Variants in OR6B1 observed in about 807,000 individuals in gnomAD.
OR6B1 encodes the protein olfactory receptor family 6 subfamily B member 1.
In OR6B1, 15 loss-of-function variants were observed where a neutral mutation model predicts 15.4. That is an observed-to-expected ratio of 0.97 (90% CI 0.65 to 1.50). The LOEUF is 1.50. OR6B1 is among the 40% of genes most tolerant of loss of function. The pLI is 0.00. For missense variants in OR6B1, 384 were observed against 385.0 expected, an observed-to-expected ratio of 1.00 and a Z score of 0.02; for synonymous variants, 139 against 144.9, an observed-to-expected ratio of 0.96 and a Z score of 0.29.
chr7:144,003,809 A>ACACG (rs930702099), intron 1 of OR6B1, 163 bp from the exon 2 acceptor site: 1 of 592,890 alleles, frequency 1.7e-6, no homozygotes, highest in African/African-American at 1.9e-5. Context: ...ACACACACAC[A>ACACG]CGGCTATGTG....
Position 144,004,778 on chromosome 7 carries a change from G to A in OR6B1, c.782G>A (p.Arg261Gln), listed in dbSNP as rs768526004. ...SAIIFMYARP[R>Q]VIHAFNMNKI... ...ATTATTTTCATGTATGCTCGACCTC[G>A]AGTTATCCATGCCTTCAACATGAAC... Residue 261 changes from arginine (R) to glutamine (Q), a missense_variant, in exon 2 of 2, where the codon CGA (arginine) becomes CAA (glutamine). Transcript: ENST00000641698. 4 of 1,614,102 alleles carry A rather than the reference G, an allele frequency of 2.5e-6. No individual in the cohort carries two copies. Among genetic ancestry groups the A allele is most frequent in the East Asian group, 2.2e-5 (1 of 44,888 alleles).
In OR6B1 at chr7:144,008,292, C is replaced by T. The variant is rs904773258; in HGVS notation, c.*3360C>T. On this transcript the variant is annotated 3_prime_UTR_variant, in exon 2 of 2. Transcript: ENST00000641698. ...TTTAAATAAGATGGTCACAGAATCACCAAGTGAGGAAGAAATGTTTGAGCA... is the reference window on the plus strand; with the variant it reads ...TTTAAATAAGATGGTCACAGAATCATCAAGTGAGGAAGAAATGTTTGAGCA... The T allele has an allele frequency of 2.0e-5, 3 of 152,136 alleles. No homozygotes were observed. The highest frequency in any genetic ancestry group is 7.2e-5 in the African/African-American group (3 of 41,396). 9.4% of individuals were successfully genotyped at this position (152,136 alleles called of 1,614,324 possible).
chr7:144,004,662 G>T lies in OR6B1; in HGVS notation c.666G>T (p.Leu222=). ...FITVLSYGCI[L]ATILCMPTGK... ...CTGTCCTGTCCTACGGATGCATTCTGGCCACCATATTATGCATGCCCACAG... is the reference window on the plus strand; with the variant it reads ...CTGTCCTGTCCTACGGATGCATTCTTGCCACCATATTATGCATGCCCACAG... Residue 222 remains leucine, a synonymous_variant, in exon 2 of 2, where the codon CTG becomes CTT. Coordinates refer to ENST00000641698, the MANE Select transcript of OR6B1 (RefSeq NM_001005281.3). 6.2e-7 allele frequency: 1 copy of T among 1,614,174 alleles called. No individual in the cohort carries two copies.
In OR6B1 at chr7:144,004,130, T is replaced by G. The variant is rs1386497868; in HGVS notation, c.134T>G (p.Ile45Ser). ...YILTVAENVIIILLVLQNRPL... is the reference protein window; with the variant it reads ...YILTVAENVISILLVLQNRPL... ...CTGACAGTGGCTGAAAACGTGATCA[T>G]CATCCTATTGGTGCTGCAAAATCGG... The change falls in exon 2 of 2, where the codon ATC becomes AGC. Residue 45 changes from isoleucine (I) to serine (S), a missense_variant. Transcript: ENST00000641698. 4 of 1,614,162 alleles carry G rather than the reference T, an allele frequency of 2.5e-6. No individual in the cohort carries two copies. The highest frequency in any genetic ancestry group is 3.4e-6 in the Non-Finnish European group (4 of 1,180,030).
Position 144,004,851 on chromosome 7 carries a change from T to C in OR6B1, c.855T>C (p.Pro285=), listed in dbSNP as rs2050613897. 5 of 1,613,352 alleles carry C rather than the reference T, an allele frequency of 3.1e-6. No homozygotes were observed. The highest frequency in any genetic ancestry group is 4.2e-6 in the Non-Finnish European group (5 of 1,180,026). Residue 285 remains proline, a synonymous_variant, in exon 2 of 2, where the codon CCT becomes CCC. Transcript: ENST00000641698. ...CCATTGTCACTCCTTCTCTCAACCCTTTCATTTATTGCCTAAGAAACCGAG... is the reference window on the plus strand; with the variant it reads ...CCATTGTCACTCCTTCTCTCAACCCCTTCATTTATTGCCTAAGAAACCGAG... The part of the protein sequence containing the change: ...FYAIVTPSLN[P]FIYCLRNREV...
At position 144,006,858 on chromosome 7, in the gene OR6B1, T is replaced by C. The variant is rs891047070; in HGVS notation, c.*1926T>C. 6.6e-6 allele frequency: 1 copy of C among 152,200 alleles called. No individual in the cohort carries two copies. Among genetic ancestry groups the C allele is most frequent in the Non-Finnish European group, 1.5e-5 (1 of 68,034 alleles). The allele number at this position is 152,200 out of a possible 1,614,324, so 9.4% of individuals were successfully genotyped here. ...AACAGGAGTAATAATAGTTGCTTGG[T>C]GTTTCTTACGCAATGGTTATGAGGA... On this transcript the variant is annotated 3_prime_UTR_variant, in exon 2 of 2. Transcript: ENST00000641698.
rs1209269716 is a variant in OR6B1 at position 144,004,331 on chromosome 7, G to T, written c.335G>T (p.Cys112Phe). ...YFFIALMCTE[C>F]VLLAAMAYDR... The stretch of plus-strand genomic sequence containing the variant: ...TTCATTGCTCTCATGTGCACAGAAT[G>T]TGTGCTTCTGGCCGCCATGGCCTAT... The change falls in exon 2 of 2, where the codon TGT becomes TTT. Residue 112 changes from cysteine to phenylalanine, a missense_variant. Cys to Phe is a radical substitution (Grantham distance 205, BLOSUM62 -2). Coordinates refer to ENST00000641698, the MANE Select transcript of OR6B1 (RefSeq NM_001005281.3). The T allele has an allele frequency of 6.2e-7, 1 of 1,614,150 alleles. No individual in the cohort carries two copies. The highest frequency in any genetic ancestry group is 2.2e-5 in the East Asian group (1 of 44,888).
In OR6B1 at chr7:144,004,798, A is replaced by T; in HGVS notation, c.802A>T (p.Met268Leu). Residue 268 changes from methionine to leucine, a missense_variant, in exon 2 of 2, where the codon ATG becomes TTG. Met to Leu is a conservative substitution (Grantham distance 15). Coordinates refer to ENST00000641698, the MANE Select transcript of OR6B1 (RefSeq NM_001005281.3). ...ACCTCGAGTTATCCATGCCTTCAAC[A>T]TGAACAAAATTATTTCCATCTTCTA... The part of the protein sequence containing the change: ...ARPRVIHAFN[M>L]NKIISIFYAI... The T allele has an allele frequency of 6.2e-7, 1 of 1,614,026 alleles. No individual in the cohort carries two copies. Among genetic ancestry groups the T allele is most frequent in the Non-Finnish European group, 8.5e-7 (1 of 1,179,986 alleles).
intron 1 of OR6B1, among the ~76,000 whole-genome samples, chr7:144,000,938 A>G (rs1030895035): frequency 3.7e-4 from 56 of 152,270 alleles, no homozygotes; most frequent in African/African-American, 1.3e-3. Flanking sequence ...TTAGATCCCT[A>G]CCATTGACCC....
rs756076180 is a variant in OR6B1, at chr7:144,007,354, C to A, written c.*2422C>A. 2.6e-5 allele frequency: 4 copies of A among 152,042 alleles called. No homozygotes were observed. The highest frequency in any genetic ancestry group is 5.9e-5 in the Non-Finnish European group (4 of 68,018). The allele number at this position is 152,042 out of a possible 1,614,324, so 9.4% of individuals were successfully genotyped here. ...AACAAGCTATTTCTAAGGTGACACA[C>A]AAAGCAAGCCGGAAGTTTCAGGGCA... On this transcript the variant is annotated 3_prime_UTR_variant, in exon 2 of 2. Coordinates refer to ENST00000641698, the MANE Select transcript of OR6B1 (RefSeq NM_001005281.3).
At chr7:144,002,646 A>G (rs2050591951) in intron 1 of OR6B1, among the ~76,000 whole-genome samples, 1 of 152,220 alleles carries the variant, frequency 6.6e-6, no homozygotes, top group East Asian at 1.9e-4. Flanking sequence ...CTTGCCTCCA[A>G]GGAGTCCGTT....
chr7:144,004,993 T>A lies in OR6B1; in HGVS notation c.*61T>A. 1.6e-6 allele frequency: 2 copies of A among 1,230,322 alleles called. No individual in the cohort carries two copies. The highest frequency in any genetic ancestry group is 2.2e-6 in the Non-Finnish European group (2 of 889,196). 76.2% of individuals were successfully genotyped at this position (1,230,322 alleles called of 1,614,324 possible). On this transcript the variant is annotated 3_prime_UTR_variant, in exon 2 of 2. Transcript: ENST00000641698. ...GGTGCCTGTATGTCTTCCTCCATCCTTTCTCCTTTAACGACTCAGTTAGGA... is the reference window on the plus strand; with the variant it reads ...GGTGCCTGTATGTCTTCCTCCATCCATTCTCCTTTAACGACTCAGTTAGGA...
intron 1 of OR6B1, 79 bp downstream of exon 1, chr7:144,000,729 T>A (rs1251743998): frequency 1.3e-5 from 2 of 152,608 alleles, no homozygotes; most frequent in African/African-American, 2.4e-5. Context: ...CAGCAACATT[T>A]AAACTCTAAA....
chr7:144,008,119 G>A lies in OR6B1; in HGVS notation c.*3187G>A, dbSNP rs2116979295. The stretch of plus-strand genomic sequence containing the variant: ...CAGAACTATAAGACAATATATTTCT[G>A]TTGTTTTAAGCTACCAAGTTTGTGG... On this transcript the variant is annotated 3_prime_UTR_variant, in exon 2 of 2. Coordinates refer to ENST00000641698, the MANE Select transcript of OR6B1 (RefSeq NM_001005281.3). The A allele has an allele frequency of 6.6e-6, 1 of 152,346 alleles. No homozygotes were observed. Among genetic ancestry groups the A allele is most frequent in the East Asian group, 1.9e-4 (1 of 5,196 alleles). 9.4% of individuals were successfully genotyped at this position (152,346 alleles called of 1,614,324 possible).
intron 1 of OR6B1, among the ~76,000 whole-genome samples, chr7:144,002,515 T>C (rs2050590397): frequency 6.6e-6 from 1 of 152,214 alleles, no homozygotes; most frequent in African/African-American, 2.4e-5. Flanking sequence ...CACCAATTAC[T>C]GTTAAAGATT....
At chr7:144,000,820 G>A (rs1022084708) in intron 1 of OR6B1, among the ~76,000 whole-genome samples, 170 bp downstream of exon 1, 2 of 152,174 alleles carry the variant, frequency 1.3e-5, no homozygotes, top group African/African-American at 4.8e-5. Flanking sequence ...TGAAATCTAA[G>A]TGCAGCCAGT....
In OR6B1 at chr7:144,004,291, A is replaced by G. The variant is rs767220687; in HGVS notation, c.295A>G (p.Ile99Val). The G allele has an allele frequency of 2.5e-6, 4 of 1,614,202 alleles. No homozygotes were observed. The South Asian group carries it at 4.4e-5, about 18-fold the overall frequency. The change falls in exon 2 of 2, where the codon ATA (isoleucine) becomes GTA (valine). Residue 99 changes from isoleucine to valine, a missense_variant. Coordinates refer to ENST00000641698, the MANE Select transcript of OR6B1 (RefSeq NM_001005281.3). ...NNSISFTLCM[I>V]QLYFFIALMC... ...CAGCATCTCTTTCACACTCTGTATG[A>G]TACAACTGTACTTCTTCATTGCTCT...
In OR6B1 at chr7:144,005,729, CTT is replaced by C. The variant is rs2050620162; in HGVS notation, c.*800_*801del. ...CCCCGCACCCCCCTTCCCGCCCTCTCTTTTATCTTCTCTTGGTTTTCCACTTT... is the reference window on the plus strand; with the variant it reads ...CCCCGCACCCCCCTTCCCGCCCTCTCTTATCTTCTCTTGGTTTTCCACTTT... On this transcript the variant is annotated 3_prime_UTR_variant, in exon 2 of 2. Coordinates refer to ENST00000641698, the MANE Select transcript of OR6B1 (RefSeq NM_001005281.3). 1.3e-5 allele frequency: 2 copies of C among 152,004 alleles called. No homozygotes were observed. The highest frequency in any genetic ancestry group is 4.2e-4 in the South Asian group (2 of 4,810). The allele number at this position is 152,004 out of a possible 1,614,324, so 9.4% of individuals were successfully genotyped here.
chr7:144,002,678 T>C (rs999822894), intron 1 of OR6B1, among the ~76,000 whole-genome samples: 1 of 152,220 alleles, frequency 6.6e-6, no homozygotes, highest in Non-Finnish European at 1.5e-5. Context: ...GAGTTATCTT[T>C]CCATTGCGTA....
Sources: gnomAD v4.1 joint callset for allele counts (sites outside exome capture counted in the v4.1 genomes callset) on GRCh38, gnomAD v4.1.1 for gene constraint, MANE v1.5 for transcripts, NCBI Gene and HGNC (gene_info 2026-07-23, HGNC 2026-07-21) for gene names.